Variants in ALS2 observed in about 807,000 individuals in gnomAD.
ALS2 encodes alsin Rho guanine nucleotide exchange factor ALS2, also known as alsin.
Under a neutral mutation model 203.4 loss-of-function variants are expected in ALS2, and 117 were observed. The ratio of observed to expected loss-of-function variants is 0.58; its 90% CI spans 0.50 to 0.67. ALS2 has a LOEUF of 0.67. Ranked by LOEUF, ALS2 falls within the 30% of genes least tolerant of loss-of-function variation. The pLI is 0.00. For synonymous variants in ALS2, 718 were observed against 725.9 expected (o/e 0.99, Z 0.17); for missense variants, 1,715 against 1,989.4 (o/e 0.86, Z 2.62).
At chr2:201,737,021 T>C (rs1192918975) in intron 12 of ALS2, among the ~76,000 whole-genome samples, 1 of 152,168 alleles carries the variant, frequency 6.6e-6, no homozygotes, top group African/African-American at 2.4e-5. Flanking sequence ...ATATAAACTA[T>C]GAACTTCCAG....
At position 201,768,930 on chromosome 2, in the gene ALS2, G is replaced by A. The variant is rs200003438; in HGVS notation, c.-45C>T. The A allele has an allele frequency of 3.2e-4, 514 of 1,597,272 alleles. 1 individual carries two copies. The African/African-American group carries it at 5.9e-3, about 18-fold the overall frequency. ...ATCACCAAATCATTCCTTCTTTACA[G>A]AAAGTCTATCAAGACCTAAACAGTA... On this transcript the variant is annotated 5_prime_UTR_variant, in exon 2 of 34. Coordinates refer to ENST00000264276, the MANE Select transcript of ALS2 (RefSeq NM_020919.4).
At chr2:201,739,645 A>C (rs1692136335) in intron 11 of ALS2, among the ~76,000 whole-genome samples, 1 of 152,008 alleles carries the variant, frequency 6.6e-6, no homozygotes, top group Non-Finnish European at 1.5e-5. Flanking sequence ...TGGGAGGCTG[A>C]GGCAGAAGAA....
intron 9 of ALS2, 35 bp downstream of exon 9, chr2:201,746,531 C>T: frequency 6.2e-7 from 1 of 1,610,472 alleles, no homozygotes; most frequent in East Asian, 2.2e-5. Context: ...TTATGTGTTA[C>T]TGAATGTGGG....
At position 201,754,349 on chromosome 2, in the gene ALS2, G is replaced by C. The variant is rs74456961; in HGVS notation, c.1640+154C>G. On this transcript the variant is annotated intron_variant, in intron 6 of 33. Coordinates refer to ENST00000264276, the MANE Select transcript of ALS2 (RefSeq NM_020919.4). ...TGTTAAGAACAAATTCAAGAGTAAA[G>C]TGACAGCTTTTTATCAGAGTTAATG... Among the ~76,000 whole-genome samples the C allele has an allele frequency of 0.013, 2,055 of 152,282 alleles. 39 individuals carry two copies. The highest frequency in any genetic ancestry group is 0.047 in the African/African-American group (1,934 of 41,540).
intron 25 of ALS2, among the ~76,000 whole-genome samples, chr2:201,712,940 T>C (rs563285325): frequency 6.6e-6 from 1 of 152,264 alleles, no homozygotes; most frequent in East Asian, 1.9e-4. Context: ...TATTTCACTC[T>C]AACTGCTTTC....
chr2:201,738,085 A>G (rs1692000488), intron 12 of ALS2, among the ~76,000 whole-genome samples: 3 of 152,094 alleles, frequency 2.0e-5, no homozygotes, highest in African/African-American at 7.2e-5. Context: ...AGAACCCTTG[A>G]GCCCAGGAGT....
Position 201,741,844 on chromosome 2 carries a change from G to A in ALS2, c.2181C>T (p.Gly727=), listed in dbSNP as rs370991021. ...GCAACAGCTGGACTGTAGTTGTAGT[G>A]CCCAAATTTTCTATAACAAAATAAT... ...LRPLLSLENL[G]TTTTVQLLQE... Residue 727 remains glycine, a synonymous_variant, in exon 11 of 34, where the codon GGC becomes GGT. Coordinates refer to ENST00000264276, the MANE Select transcript of ALS2 (RefSeq NM_020919.4). 5 of 1,613,108 alleles carry A rather than the reference G, an allele frequency of 3.1e-6. No homozygotes were observed. In the Admixed American group the frequency reaches 6.7e-5, roughly 22 times the overall value.
intron 12 of ALS2, among the ~76,000 whole-genome samples, chr2:201,736,930 C>T (rs1394561823): frequency 2.0e-5 from 3 of 152,164 alleles, no homozygotes; most frequent in African/African-American, 7.2e-5. Context: ...AAACTCCCTA[C>T]AGCAAATGCC....
At chr2:201,774,299 G>GT (rs956707756) in intron 1 of ALS2, among the ~76,000 whole-genome samples, 3 of 152,122 alleles carry the variant, frequency 2.0e-5, no homozygotes, top group African/African-American at 4.8e-5. Flanking sequence ...TGGGGGGATT[G>GT]TTTTTTTCAT....
In ALS2 at chr2:201,742,081, G is replaced by C. The variant is rs141156833; in HGVS notation, c.2171-227C>G. Among the ~76,000 whole-genome samples, 21 of 152,158 alleles carry C rather than the reference G, an allele frequency of 1.4e-4. No individual in the cohort carries two copies. In the East Asian group the frequency reaches 3.3e-3, roughly 24 times the overall value. On this transcript the variant is annotated intron_variant, in intron 10 of 33. Transcript: ENST00000264276. ...TTCACAGGAACCTTATAGATTCCAG[G>C]ATGGCTTTTTCTGTTAAAAAAGACT...
In ALS2 at chr2:201,707,884, T is replaced by A; in HGVS notation, c.4388A>T (p.Glu1463Val). 1 of 1,613,560 alleles carries A rather than the reference T, an allele frequency of 6.2e-7. No homozygotes were observed. ...CTCCATTTACCCTGGCTCTGGTGAT[T>A]CAGATCGGGAATCTGACTTCCCAGT... ...FCTGKSDSRS[E>V]SPEPGYVVTS... is the part of the protein sequence containing the mutation. Residue 1463 changes from glutamate (E) to valine (V), a missense_variant, in exon 28 of 34, where the codon GAA (glutamate) becomes GTA (valine). Coordinates refer to ENST00000264276, the MANE Select transcript of ALS2 (RefSeq NM_020919.4).
intron 12 of ALS2, among the ~76,000 whole-genome samples, chr2:201,738,248 A>C (rs1232184628): frequency 1.3e-5 from 2 of 152,228 alleles, no homozygotes; most frequent in African/African-American, 4.8e-5. Context: ...TTGTGTAAGG[A>C]GCCTTTAAAT....
At chr2:201,720,151 A>G in intron 23 of ALS2, 1 of 431,826 alleles carries the variant, frequency 2.3e-6, no homozygotes, top group Non-Finnish European at 4.6e-6. Flanking sequence ...ACAGACAAAG[A>G]CATCACAATA....
Position 201,729,166 on chromosome 2 carries a change from C to T in ALS2, c.2598G>A (p.Gln866=). ...AACAAGAACTGGAATCCTGCAGTTTCTGATATTCTGGAGATGCCTACAGGG... is the reference window on the plus strand; with the variant it reads ...AACAAGAACTGGAATCCTGCAGTTTTTGATATTCTGGAGATGCCTACAGGG... ...TCFEVASPEY[Q]KLQDSSSCYE... is the part of the protein sequence containing the mutation. The change falls in exon 14 of 34, where the codon CAG becomes CAA. Residue 866 remains glutamine, a synonymous_variant. Coordinates refer to ENST00000264276, the MANE Select transcript of ALS2 (RefSeq NM_020919.4). The T allele has an allele frequency of 6.2e-7, 1 of 1,612,466 alleles. No homozygotes were observed. The highest frequency in any genetic ancestry group is 1.3e-5 in the African/African-American group (1 of 74,436).
At chr2:201,721,787 C>T (rs544195126) in intron 23 of ALS2, among the ~76,000 whole-genome samples, 357 of 152,250 alleles carry the variant, frequency 2.3e-3, no homozygotes, top group African/African-American at 8.2e-3. Context: ...CCTCAGCCTC[C>T]TGAGTAGCTG....
At chr2:201,753,105 C>T (rs1433167353) in intron 7 of ALS2, 41 bp downstream of exon 7, 1 of 1,502,604 alleles carries the variant, frequency 6.7e-7, no homozygotes, top group East Asian at 2.3e-5. Context: ...TGTTGGCCTT[C>T]CATGAAAATA....
At position 201,704,524 on chromosome 2, in the gene ALS2, G is replaced by C; in HGVS notation, c.4768C>G (p.Leu1590Val). The part of the protein sequence containing the change: ...EEISQSVLAS[L>V]HEDFLWSMDD... ...ATGGACCACAAGAAGTCTTCGTGGA[G>C]TGACGCCAGGACACTCTGAGAGATC... Residue 1590 changes from leucine to valine, a missense_variant, in exon 32 of 34, where the codon CTC becomes GTC. By Grantham distance (32) the Leu-to-Val change is conservative. Transcript: ENST00000264276. 1 of 1,614,150 alleles carries C rather than the reference G, an allele frequency of 6.2e-7. No individual in the cohort carries two copies. Among genetic ancestry groups the C allele is most frequent in the South Asian group, 1.1e-5 (1 of 91,078 alleles).
At chr2:201,727,844 C>T in intron 15 of ALS2, 69 bp from the exon 16 acceptor site, 2 of 1,407,402 alleles carry the variant, frequency 1.4e-6, no homozygotes, top group East Asian at 2.5e-5. Flanking sequence ...GCCCATATCC[C>T]CTTCATGTCA....
At position 201,728,493 on chromosome 2, in the gene ALS2, G is replaced by C. The variant is rs1200357635; in HGVS notation, c.2841+19C>G. 3 of 1,613,952 alleles carry C rather than the reference G, an allele frequency of 1.9e-6. No homozygotes were observed. Among genetic ancestry groups the C allele is most frequent in the East Asian group, 4.5e-5 (2 of 44,864 alleles). ...GTCCACCTTTCAGGAATTCTTTTAA[G>C]GTTAGGAATCCAGCCTACCTGGGCA... On this transcript the variant is annotated intron_variant, in intron 15 of 33. Transcript: ENST00000264276.
Sources: gnomAD v4.1 joint callset for allele counts (sites outside exome capture counted in the v4.1 genomes callset) on GRCh38, gnomAD v4.1.1 for gene constraint, MANE v1.5 for transcripts, NCBI Gene and HGNC (gene_info 2026-07-23, HGNC 2026-07-21) for gene names.